The following HS6ST3 variants were observed in gnomAD, a reference collection of about 807,000 sequenced individuals.
HS6ST3 encodes the protein heparan sulfate 6-O-sulfotransferase 3.
In HS6ST3, 12 loss-of-function variants were observed where a neutral mutation model predicts 36.7. That is an observed-to-expected ratio of 0.33 (90% confidence interval 0.21 to 0.53). HS6ST3 has a LOEUF of 0.53. Among genes scored for constraint, HS6ST3 ranks in the 20% least tolerant of loss-of-function variants. HS6ST3 has a pLI of 0.95. For missense variants in HS6ST3, 584 were observed against 640.9 expected (o/e 0.91, Z 0.96); for synonymous variants, 240 against 257.5 (o/e 0.93, Z 0.65).
Position 96,424,061 on chromosome 13 carries a change from G to A in HS6ST3, c.707+332492G>A, listed in dbSNP as rs539032334. Among the ~76,000 whole-genome samples the A allele has an allele frequency of 2.0e-5, 3 of 152,256 alleles. No homozygotes were observed. The South Asian group carries it at 6.2e-4, about 32-fold the overall frequency. On this transcript the variant is annotated intron_variant, in intron 1 of 1. Coordinates refer to ENST00000376705, the MANE Select transcript of HS6ST3 (RefSeq NM_153456.4). ...ATTCATATTCATATTACAAGTGTGT[G>A]TTTCCCATAAAGCATCATCTTTCTC...
rs556958327 is a variant in HS6ST3 at position 96,561,384 on chromosome 13, C to A, written c.708-271106C>A. 8.1e-4 allele frequency among the ~76,000 whole-genome samples: 124 copies of A among 152,162 alleles called. 2 individuals are homozygous for A. Among genetic ancestry groups the A allele is most frequent in the African/African-American group, 2.9e-3 (119 of 41,542 alleles). On this transcript the variant is annotated intron_variant, in intron 1 of 1. Coordinates refer to ENST00000376705, the MANE Select transcript of HS6ST3 (RefSeq NM_153456.4). ...CTATTACAGTATACAAAAATTAACT[C>A]AAGATGGCATAAAGATTTAAATGTA... is the stretch of plus-strand genomic sequence containing the variant.
chr13:96,120,194 G>A (rs1474763570), intron 1 of HS6ST3, among the ~76,000 whole-genome samples: 2 of 152,232 alleles, frequency 1.3e-5, no homozygotes, highest in Non-Finnish European at 2.9e-5. Context: ...AGCCCCAGAA[G>A]CTAGGAAGAG....
At chr13:96,359,677 A>G (rs2055227596) in intron 1 of HS6ST3, among the ~76,000 whole-genome samples, 2 of 152,138 alleles carry the variant, frequency 1.3e-5, no homozygotes, top group Non-Finnish European at 2.9e-5. Context: ...TTTGCTGGTC[A>G]TGTAGGGCCT....
chr13:96,562,730 C>G (rs902830901), intron 1 of HS6ST3, among the ~76,000 whole-genome samples: 2 of 151,928 alleles, frequency 1.3e-5, no homozygotes, highest in Admixed American at 6.6e-5. Context: ...AAATAATCAG[C>G]TGTGTTTCAT....
Position 96,497,669 on chromosome 13 carries a change from C to G in HS6ST3, c.708-334821C>G, listed in dbSNP as rs557298360. 2.0e-4 allele frequency among the ~76,000 whole-genome samples: 31 copies of G among 152,202 alleles called. 1 individual carries two copies. The South Asian group carries it at 4.6e-3, about 22-fold the overall frequency. ...TGTATCAGTCATGTTCTGCTTCTGC[C>G]CCTCTGATGGTTTCCCATTGCCCCT... On this transcript the variant is annotated intron_variant, in intron 1 of 1. Transcript: ENST00000376705.
chr13:96,223,046 C>T (rs2054463635), intron 1 of HS6ST3, among the ~76,000 whole-genome samples: 1 of 152,120 alleles, frequency 6.6e-6, no homozygotes, highest in African/African-American at 2.4e-5. Context: ...CATAATATGC[C>T]TTAGTATGGA....
intron 1 of HS6ST3, among the ~76,000 whole-genome samples, chr13:96,260,661 A>G (rs1244910762): frequency 2.2e-5 from 3 of 137,222 alleles, no homozygotes; most frequent in East Asian, 2.1e-4. Context: ...TTTTTTTTAG[A>G]TAGAGTCTTG....
intron 1 of HS6ST3, among the ~76,000 whole-genome samples, chr13:96,640,336 T>C (rs2139006227): frequency 6.6e-6 from 1 of 152,150 alleles, no homozygotes; most frequent in East Asian, 1.9e-4. Context: ...GAGCATTTTT[T>C]CCTGTTTGTT....
At position 96,091,101 on chromosome 13, in the gene HS6ST3, AGGGACCTCGGGG is replaced by A. The variant is rs2053760788; in HGVS notation, c.242_253del (p.Gly81_Gly84del). 1 of 1,345,182 alleles carries A rather than the reference AGGGACCTCGGGG, an allele frequency of 7.4e-7. No homozygotes were observed. Among genetic ancestry groups the A allele is most frequent in the Non-Finnish European group, 9.5e-7 (1 of 1,054,890 alleles). The allele number at this position is 1,345,182 out of a possible 1,614,324, so 83.3% of individuals were successfully genotyped here. ...CCCCCGCCGCCCCGGGGGCCCCCCG[AGGGACCTCGGGG>A]GGCCGCGGCGCCGGAGGAGGAGGAC... is the stretch of plus-strand genomic sequence containing the variant. On this transcript the variant is annotated inframe_deletion, in exon 1 of 2. Transcript: ENST00000376705.
chr13:96,526,013 A>C (rs1388601467), intron 1 of HS6ST3, among the ~76,000 whole-genome samples: 2 of 152,198 alleles, frequency 1.3e-5, no homozygotes, highest in Non-Finnish European at 2.9e-5. Context: ...AGTGAAGAGG[A>C]AGGTTTTCAG....
intron 1 of HS6ST3, among the ~76,000 whole-genome samples, chr13:96,231,855 A>T (rs1295067033): frequency 6.6e-6 from 1 of 152,212 alleles, no homozygotes; most frequent in African/African-American, 2.4e-5. Flanking sequence ...TAACCTTCTG[A>T]CGCTAGCCTC....
chr13:96,252,198 G>A (rs1389861412), intron 1 of HS6ST3, among the ~76,000 whole-genome samples: 3 of 152,198 alleles, frequency 2.0e-5, no homozygotes, highest in Non-Finnish European at 4.4e-5. Context: ...TAATATTTAA[G>A]TGGTTTGAGG....
At chr13:96,238,731 G>A (rs895537834) in intron 1 of HS6ST3, among the ~76,000 whole-genome samples, 9 of 152,156 alleles carry the variant, frequency 5.9e-5, no homozygotes, top group African/African-American at 1.2e-4. Flanking sequence ...TGTCCCCTCC[G>A]ATCACTGTTT....
chr13:96,378,199 C>T (rs921407454), intron 1 of HS6ST3, among the ~76,000 whole-genome samples: 1 of 152,246 alleles, frequency 6.6e-6, no homozygotes. Flanking sequence ...GGTGCTCTCC[C>T]AGGAAACACA....
At chr13:96,101,251 A>G (rs963962034) in intron 1 of HS6ST3, among the ~76,000 whole-genome samples, 1 of 152,192 alleles carries the variant, frequency 6.6e-6, no homozygotes, top group African/African-American at 2.4e-5. Context: ...TTGCAAAAAC[A>G]TTTACGAGAT....
chr13:96,167,535 A>ACTT (rs1218475635), intron 1 of HS6ST3, among the ~76,000 whole-genome samples: 2 of 152,172 alleles, frequency 1.3e-5, no homozygotes, highest in Non-Finnish European at 2.9e-5. Context: ...GGGCTGCAAG[A>ACTT]GGTCAGATCA....
chr13:96,141,518 T>A (rs1043542570), intron 1 of HS6ST3, among the ~76,000 whole-genome samples: 1 of 151,708 alleles, frequency 6.6e-6, no homozygotes, highest in African/African-American at 2.4e-5. Flanking sequence ...GCCCAGCTAA[T>A]TTTTTTTCAT....
At chr13:96,791,774 T>C (rs1360994993) in intron 1 of HS6ST3, among the ~76,000 whole-genome samples, 1 of 152,056 alleles carries the variant, frequency 6.6e-6, no homozygotes, top group Non-Finnish European at 1.5e-5. Flanking sequence ...GTGTTTTAGA[T>C]CTTTAACATT....
chr13:96,204,440 T>C (rs866513181), intron 1 of HS6ST3, among the ~76,000 whole-genome samples: 20 of 152,182 alleles, frequency 1.3e-4, no homozygotes, highest in South Asian at 1.0e-3. Flanking sequence ...ATTAGACAGA[T>C]CATTGAGACA....
Sources: allele counts gnomAD v4.1 joint callset (sites outside exome capture counted in the v4.1 genomes callset), GRCh38; gene constraint gnomAD v4.1.1; transcripts MANE v1.5; gene names NCBI Gene and HGNC (gene_info 2026-07-23, HGNC 2026-07-21).